Variants in PHACTR2 observed in about 807,000 individuals in gnomAD.
PHACTR2 encodes phosphatase and actin regulator 2.
In PHACTR2, 30 loss-of-function variants were observed where a neutral mutation model predicts 76.0. That is an observed-to-expected ratio of 0.39 (90% confidence interval 0.30 to 0.54). The LOEUF (loss-of-function observed/expected upper bound fraction) is 0.54, where lower values mean the gene tolerates loss of function less well. Among genes scored for constraint, PHACTR2 ranks in the 20% least tolerant of loss-of-function variants. The pLI, the probability that PHACTR2 is intolerant of heterozygous loss-of-function variation, is 0.61. For synonymous variants in PHACTR2, 292 were observed against 292.5 expected, an observed-to-expected ratio of 1.00 and a Z score of 0.02; for missense variants, 696 against 781.1, an observed-to-expected ratio of 0.89 and a Z score of 1.30.
At position 143,698,033 on chromosome 6, in the gene PHACTR2, A is replaced by C. The variant is rs999889411; in HGVS notation, c.47-13983A>C. 3.9e-5 allele frequency among the ~76,000 whole-genome samples: 6 copies of C among 152,326 alleles called. No homozygotes were observed. The East Asian group carries it at 9.6e-4, about 24-fold the overall frequency. On this transcript the variant is annotated intron_variant, in intron 1 of 12. Transcript: ENST00000440869. This position sits in a 1 kb window ranked among gnomAD's most constrained non-coding sequence, Gnocchi z 4.3. ...AAACATTGGTGAATTGCAACTGGCT[A>C]TTCTGAGGTTCTGTTACGGGCTTTT...
rs1775922193 is a variant in PHACTR2, at chr6:143,800,314, T to G, written c.1846-6743T>G. Among the ~76,000 whole-genome samples, 1 of 152,068 alleles carries G rather than the reference T, an allele frequency of 6.6e-6. No homozygotes were observed. Among genetic ancestry groups the G allele is most frequent in the Admixed American group, 6.6e-5 (1 of 15,244 alleles). On this transcript the variant is annotated intron_variant, in intron 11 of 12. Transcript: ENST00000440869. This position sits in a 1 kb window ranked among gnomAD's most constrained non-coding sequence, Gnocchi z 4.8. ...TCTGGCTCTGTTGCCCAGGCTGGAG[T>G]GCAGTGGTGCAATCTCCGCTCACAG...
At chr6:143,551,192 G>A (rs1276492738) in intron 1 of PHACTR2, among the ~76,000 whole-genome samples, 1 of 151,730 alleles carries the variant, frequency 6.6e-6, no homozygotes, top group Non-Finnish European at 1.5e-5. Context: ...ATCTATGGGG[G>A]ATTCATTCCA....
In PHACTR2 at chr6:143,795,275, G is replaced by A. The variant is rs146865240; in HGVS notation, c.1845+6365G>A. ...CAAAAACTAAAAAAATTAGCCAGGT[G>A]TGGTGGCACACCCATGTATTCCTAC... On this transcript the variant is annotated intron_variant, in intron 11 of 12. Transcript: ENST00000440869. The surrounding 1 kb of genome is among the most constrained non-coding windows in gnomAD (Gnocchi z 4.8). 1.2e-3 allele frequency among the ~76,000 whole-genome samples: 182 copies of A among 152,258 alleles called. 1 individual carries two copies. The highest frequency in any genetic ancestry group is 2.8e-3 in the African/African-American group (117 of 41,546).
Position 143,571,276 on chromosome 6 carries a change from C to G in PHACTR2, c.217+34069C>G, listed in dbSNP as rs1775444219. ...AGATGGTGACTTTCTAGTTATCATC[C>G]TTCTGCATTTATCAATTGGAATTCT... On this transcript the variant is annotated intron_variant, in intron 1 of 11. Coordinates refer to the PHACTR2 transcript ENST00000367584. The surrounding 1 kb of genome is among the most constrained non-coding windows in gnomAD (Gnocchi z 4.6). Among the ~76,000 whole-genome samples the G allele has an allele frequency of 6.6e-6, 1 of 152,194 alleles. No homozygotes were observed. The highest frequency in any genetic ancestry group is 1.5e-5 in the Non-Finnish European group (1 of 68,030).
rs1159835380 is a variant in PHACTR2 at position 143,820,978 on chromosome 6, G to C, written c.1923-2696G>C. On this transcript the variant is annotated intron_variant, in intron 12 of 12. Transcript: ENST00000440869. The surrounding 1 kb of genome is among the most constrained non-coding windows in gnomAD (Gnocchi z 4.2). The stretch of plus-strand genomic sequence containing the variant: ...TAGAAGCTGTCAAGGCTTTCAGCTT[G>C]CACCCTCTGAAGCAGAAGCCTGAGC... Among the ~76,000 whole-genome samples the C allele has an allele frequency of 6.6e-6, 1 of 152,252 alleles. No individual in the cohort carries two copies. The highest frequency in any genetic ancestry group is 2.1e-4 in the South Asian group (1 of 4,836).
intron 1 of PHACTR2, among the ~76,000 whole-genome samples, chr6:143,632,922 T>C (rs2128442363): frequency 6.6e-6 from 1 of 152,310 alleles, no homozygotes; most frequent in Non-Finnish European, 1.5e-5. Context: ...CTCCATGTCT[T>C]TTCACGTCTT....
In PHACTR2 at chr6:143,648,019, GCC is replaced by G. The variant is rs1289673158; in HGVS notation, c.13+39698_13+39699del. 6.6e-6 allele frequency among the ~76,000 whole-genome samples: 1 copy of G among 152,186 alleles called. No homozygotes were observed. The highest frequency in any genetic ancestry group is 1.5e-5 in the Non-Finnish European group (1 of 68,030). On this transcript the variant is annotated intron_variant, in intron 1 of 11. Coordinates refer to the PHACTR2 transcript ENST00000305766. The surrounding 1 kb of genome is among the most constrained non-coding windows in gnomAD (Gnocchi z 6.7). ...AAATAAGGGAAGCAGGTAGGATCCT[GCC>G]GTGACCCGAGAGAGATGTATGGCTG...
At chr6:143,593,645 T>C (rs1284442162) in intron 1 of PHACTR2, among the ~76,000 whole-genome samples, 1 of 152,242 alleles carries the variant, frequency 6.6e-6, no homozygotes, top group African/African-American at 2.4e-5. Flanking sequence ...TTCATAATTT[T>C]GTTTATATTC....
chr6:143,649,016 G>A, intron 1 of PHACTR2, among the ~76,000 whole-genome samples: 1 of 151,770 alleles, frequency 6.6e-6, no homozygotes, highest in Non-Finnish European at 1.5e-5. Context: ...GTGTGTGTCT[G>A]TGTGTCTATG....
chr6:143,749,493 A>G (rs1779140017), intron 3 of PHACTR2, among the ~76,000 whole-genome samples: 1 of 152,340 alleles, frequency 6.6e-6, no homozygotes, highest in Admixed American at 6.5e-5. Flanking sequence ...GAGAGAAGGC[A>G]CACATACCTC....
chr6:143,715,485 A>T (rs1582802704), intron 2 of PHACTR2, among the ~76,000 whole-genome samples: 5 of 152,310 alleles, frequency 3.3e-5, no homozygotes. Context: ...GCACTATTTG[A>T]GGACAGCATG....
In PHACTR2 at chr6:143,820,583, A is replaced by G. The variant is rs764279477; in HGVS notation, c.1923-3091A>G. ...CCTGGGTACTCTGGTGTAAGTGGGC[A>G]GCTCTACCCCTGTGGATTTGCAAGG... On this transcript the variant is annotated intron_variant, in intron 12 of 12. Coordinates refer to ENST00000440869, the MANE Select transcript of PHACTR2 (RefSeq NM_001100164.2). The surrounding 1 kb of genome is among the most constrained non-coding windows in gnomAD (Gnocchi z 4.2). Among the ~76,000 whole-genome samples the G allele has an allele frequency of 6.6e-6, 1 of 152,224 alleles. No individual in the cohort carries two copies. The highest frequency in any genetic ancestry group is 1.9e-4 in the East Asian group (1 of 5,190).
Position 143,618,634 on chromosome 6 carries a change from C to G in PHACTR2, c.13+10312C>G, listed in dbSNP as rs1268043512. Among the ~76,000 whole-genome samples, 3 of 151,800 alleles carry G rather than the reference C, an allele frequency of 2.0e-5. No individual in the cohort carries two copies. The highest frequency in any genetic ancestry group is 2.9e-5 in the Non-Finnish European group (2 of 67,982). On this transcript the variant is annotated intron_variant, in intron 1 of 11. Transcript: ENST00000305766. The surrounding 1 kb of genome is among the most constrained non-coding windows in gnomAD (Gnocchi z 5.2). The stretch of plus-strand genomic sequence containing the variant: ...GGGGGGATAGGGGTTGAATGTTTCC[C>G]TAACTGCCCCTCCTGCTCCAGCCCC...
chr6:143,760,423 A>C lies in PHACTR2; in HGVS notation c.477A>C (p.Glu159Asp), dbSNP rs370477271. The C allele has an allele frequency of 2.5e-6, 4 of 1,612,498 alleles. No homozygotes were observed. The highest frequency in any genetic ancestry group is 3.4e-6 in the Non-Finnish European group (4 of 1,179,174). Residue 159 changes from glutamate to aspartate, a missense_variant, in exon 5 of 13, where the codon GAA (glutamate) becomes GAC (aspartate). Glu to Asp is a conservative substitution (Grantham distance 45). Transcript: ENST00000440869. This position sits in a 1 kb window ranked among gnomAD's most constrained non-coding sequence, Gnocchi z 6.4. ...DKKENTENHSETPAAPALPPS... is the reference protein window; with the variant it reads ...DKKENTENHSDTPAAPALPPS... ...TAGAGAACACTGAAAACCACTCTGA[A>C]ACACCGGCAGCTCCTGCTCTACCTC... is the stretch of plus-strand genomic sequence containing the variant.
At position 143,562,301 on chromosome 6, in the gene PHACTR2, G is replaced by C. The variant is rs547707943; in HGVS notation, c.217+25094G>C. 6.6e-6 allele frequency among the ~76,000 whole-genome samples: 1 copy of C among 152,256 alleles called. No individual in the cohort carries two copies. Among genetic ancestry groups the C allele is most frequent in the Non-Finnish European group, 1.5e-5 (1 of 68,010 alleles). On this transcript the variant is annotated intron_variant, in intron 1 of 11. Coordinates refer to the PHACTR2 transcript ENST00000367584. This position sits in a 1 kb window ranked among gnomAD's most constrained non-coding sequence, Gnocchi z 5.1. ...GGAAGCACGGTGCTGGCATCTGCTT[G>C]GCCTCCCCAGGCCTCAGGAAGTTTA...
chr6:143,636,214 G>GAA (rs397950323), intron 1 of PHACTR2, among the ~76,000 whole-genome samples: 123 of 140,310 alleles, frequency 8.8e-4, no homozygotes, highest in Admixed American at 1.5e-3. Context: ...ACCTGTCTCA[G>GAA]AAAAAAAAAA....
At chr6:143,569,627 C>A (rs1199783059) in intron 1 of PHACTR2, among the ~76,000 whole-genome samples, 2 of 152,122 alleles carry the variant, frequency 1.3e-5, no homozygotes, top group Non-Finnish European at 2.9e-5. Flanking sequence ...CTACATACCA[C>A]TGGTGGTATG....
chr6:143,765,525 T>A lies in PHACTR2; in HGVS notation c.959T>A (p.Val320Asp), dbSNP rs777874434. The A allele has an allele frequency of 6.8e-6, 11 of 1,614,084 alleles. No homozygotes were observed. The highest frequency in any genetic ancestry group is 2.7e-5 in the African/African-American group (2 of 74,916). Residue 320 changes from valine (V) to aspartate (D), a missense_variant, in exon 6 of 13, where the codon GTC becomes GAC. Physicochemically the swap from Val to Asp is radical, Grantham distance 152. Coordinates refer to ENST00000440869, the MANE Select transcript of PHACTR2 (RefSeq NM_001100164.2). The surrounding 1 kb of genome is among the most constrained non-coding windows in gnomAD (Gnocchi z 4.1). ...GAGAGTTTCAAACTCGAACAGACTGTCCCTGGAGCTGAGGAGCAGAACACA... is the reference window on the plus strand; with the variant it reads ...GAGAGTTTCAAACTCGAACAGACTGACCCTGGAGCTGAGGAGCAGAACACA... ...RVESFKLEQT[V>D]PGAEEQNTGK...
chr6:143,677,786 C>G (rs965117501), upstream of PHACTR2, among the ~76,000 whole-genome samples: 15 of 152,202 alleles, frequency 9.9e-5, no homozygotes, highest in African/African-American at 3.4e-4. Flanking sequence ...AGTCTGAAAG[C>G]CTGAACTCCC....
Sources: allele counts gnomAD v4.1 joint callset (sites outside exome capture counted in the v4.1 genomes callset), GRCh38; gene constraint gnomAD v4.1.1; non-coding constraint Gnocchi (gnomAD v3.1); transcripts MANE v1.5; gene names NCBI Gene and HGNC (gene_info 2026-07-23, HGNC 2026-07-21).